MGAT4A: variants seen among roughly 807,000 people sequenced by gnomAD.
MGAT4A encodes N-acetylglucosaminyltransferase IVa.
In MGAT4A, 33 loss-of-function variants were observed where a neutral mutation model predicts 74.1. The ratio of observed to expected loss-of-function variants is 0.45; its 90% CI spans 0.34 to 0.60. The LOEUF is 0.60. MGAT4A is among the 20% of genes least tolerant of loss of function. The pLI, the probability that MGAT4A is intolerant of heterozygous loss-of-function variation, is 0.02. For missense variants in MGAT4A, 479 were observed against 628.3 expected, an observed-to-expected ratio of 0.76 and a Z score of 2.54; for synonymous variants, 198 against 210.4, an observed-to-expected ratio of 0.94 and a Z score of 0.51.
chr2:98,636,566 T>C lies in MGAT4A; in HGVS notation c.1352A>G (p.His451Arg), dbSNP rs770487777. Residue 451 changes from histidine to arginine, a missense_variant, in exon 13 of 16, where the codon CAT becomes CGT. By Grantham distance (29) the His-to-Arg change is conservative. This residue lies in a region of MGAT4A where 236 missense variants were observed against 308.2 expected (regional missense o/e 0.77). Transcript: ENST00000393487. Reference protein sequence around the residue: ...SYLFHSGNQEHPGDILLNTTV... With the variant: ...SYLFHSGNQERPGDILLNTTV... ...TGTGTTTAGCAGAATATCTCCAGGA[T>C]GTTCTTGGTTGCCGCTATGGAACAA... The C allele has an allele frequency of 3.7e-6, 6 of 1,613,874 alleles. No individual in the cohort carries two copies. In the African/African-American group the frequency reaches 6.7e-5, roughly 18 times the overall value.
chr2:98,619,396 T>C lies in MGAT4A; in HGVS notation c.*6170A>G, dbSNP rs1382599460. On this transcript the variant is annotated 3_prime_UTR_variant, in exon 16 of 16. Coordinates refer to ENST00000393487, the MANE Select transcript of MGAT4A (RefSeq NM_012214.3). ...ACATTTAAGAAAAAAAAAAATCTGG[T>C]ACAACCTGGCAAGGAGATTCCTCAG... 6.6e-6 allele frequency: 1 copy of C among 151,860 alleles called. No individual in the cohort carries two copies. The highest frequency in any genetic ancestry group is 1.5e-5 in the Non-Finnish European group (1 of 67,942). 9.4% of individuals were successfully genotyped at this position (151,860 alleles called of 1,614,324 possible).
intron 8 of MGAT4A, among the ~76,000 whole-genome samples, chr2:98,650,436 G>C (rs1453697026): frequency 6.6e-6 from 1 of 152,050 alleles, no homozygotes; most frequent in Admixed American, 6.6e-5. Flanking sequence ...ACACCAAGAA[G>C]AATCATAATG....
rs189706735 is a variant in MGAT4A at position 98,717,197 on chromosome 2, T to C, written c.94+9042A>G. 4.1e-3 allele frequency among the ~76,000 whole-genome samples: 628 copies of C among 152,126 alleles called. 5 individuals carry two copies. The highest frequency in any genetic ancestry group is 0.014 in the African/African-American group (595 of 41,514). On this transcript the variant is annotated intron_variant, in intron 2 of 15. Transcript: ENST00000393487. Reference sequence around the variant, plus strand: ...GAGTTTGAGAACAGCCTGGCCAACATGGTGAAACCCCATCTCTACTAAAAA... The same window carrying C: ...GAGTTTGAGAACAGCCTGGCCAACACGGTGAAACCCCATCTCTACTAAAAA...
chr2:98,661,378 T>C (rs1369627363), intron 5 of MGAT4A, among the ~76,000 whole-genome samples: 2 of 152,124 alleles, frequency 1.3e-5, no homozygotes, highest in Non-Finnish European at 2.9e-5. Context: ...GGTTGGTAAA[T>C]AAAGAAGATC....
chr2:98,695,878 C>CTT (rs554678618), intron 2 of MGAT4A, among the ~76,000 whole-genome samples: 35 of 130,396 alleles, frequency 2.7e-4, no homozygotes, highest in African/African-American at 5.4e-4. Context: ...CACAGAACTT[C>CTT]TTTTTTTTTT....
At chr2:98,691,019 A>C (rs185788684) in intron 2 of MGAT4A, among the ~76,000 whole-genome samples, 6 of 152,266 alleles carry the variant, frequency 3.9e-5, no homozygotes, top group Admixed American at 3.9e-4. Context: ...GAGATCTAAC[A>C]CTGCTATCAT....
At chr2:98,686,015 G>C (rs1702125535) in intron 2 of MGAT4A, among the ~76,000 whole-genome samples, 1 of 152,096 alleles carries the variant, frequency 6.6e-6, no homozygotes, top group Admixed American at 6.6e-5. Context: ...AGGGACAGGG[G>C]GCGCTCATTA....
intron 2 of MGAT4A, among the ~76,000 whole-genome samples, chr2:98,685,392 C>T (rs541566867): frequency 3.3e-5 from 5 of 152,122 alleles, no homozygotes; most frequent in African/African-American, 1.2e-4. Context: ...CTCAGGAAGC[C>T]ACTGCCTTTG....
At chr2:98,633,737 T>C (rs555278027) in intron 14 of MGAT4A, among the ~76,000 whole-genome samples, 15 of 152,344 alleles carry the variant, frequency 9.8e-5, no homozygotes, top group African/African-American at 3.1e-4. Flanking sequence ...ACTATAGAGA[T>C]ATTTAATATA....
chr2:98,660,209 T>C (rs1032541211), intron 5 of MGAT4A, among the ~76,000 whole-genome samples: 2 of 152,066 alleles, frequency 1.3e-5, no homozygotes, highest in African/African-American at 2.4e-5. Context: ...TTATAAAATG[T>C]TGATGAAATA....
intron 2 of MGAT4A, among the ~76,000 whole-genome samples, chr2:98,724,802 A>AC (rs1226327556): frequency 2.6e-5 from 4 of 151,870 alleles, no homozygotes; most frequent in African/African-American, 7.3e-5. Context: ...AAAAAAAAAA[A>AC]CCCATATACT....
At chr2:98,701,567 A>C (rs1421432951) in intron 2 of MGAT4A, among the ~76,000 whole-genome samples, 1 of 152,190 alleles carries the variant, frequency 6.6e-6, no homozygotes, top group Admixed American at 6.5e-5. Context: ...ACTGCTTAAG[A>C]AGCTTTCCAA....
At chr2:98,630,315 G>C (rs1222673530) in intron 14 of MGAT4A, among the ~76,000 whole-genome samples, 1 of 152,154 alleles carries the variant, frequency 6.6e-6, no homozygotes, top group South Asian at 2.1e-4. Flanking sequence ...AATTGTGAGG[G>C]GGAAGAAACC....
At chr2:98,697,016 A>G (rs1274879358) in intron 2 of MGAT4A, among the ~76,000 whole-genome samples, 1 of 152,194 alleles carries the variant, frequency 6.6e-6, no homozygotes, top group Non-Finnish European at 1.5e-5. Context: ...TTTACTATAG[A>G]TCAATTTCAT....
At chr2:98,722,543 G>A (rs1471316131) in intron 2 of MGAT4A, among the ~76,000 whole-genome samples, 2 of 152,146 alleles carry the variant, frequency 1.3e-5, no homozygotes, top group Middle Eastern at 3.2e-3. Context: ...AGGGGAGGGA[G>A]GTAGGGATTA....
chr2:98,695,097 T>C (rs1702251514), intron 2 of MGAT4A: 1 of 142,506 alleles, frequency 7.0e-6, no homozygotes, highest in East Asian at 2.2e-4. Flanking sequence ...AGTGCTGTAG[T>C]GCAATCTCAG....
Position 98,677,969 on chromosome 2 carries a change from G to A in MGAT4A, c.262+335C>T, listed in dbSNP as rs143003366. ...TTTTCAGCCGGGTGCAGTGGCTCAC[G>A]CCTGTAATCTCAGCACTTTGGGAGG... On this transcript the variant is annotated intron_variant, in intron 3 of 15. Coordinates refer to ENST00000393487, the MANE Select transcript of MGAT4A (RefSeq NM_012214.3). 2.4e-3 allele frequency among the ~76,000 whole-genome samples: 367 copies of A among 151,264 alleles called. 2 individuals are homozygous for A. The highest frequency in any genetic ancestry group is 8.5e-3 in the African/African-American group (350 of 41,282).
At chr2:98,702,082 C>T (rs957046156) in intron 2 of MGAT4A, among the ~76,000 whole-genome samples, 1 of 152,166 alleles carries the variant, frequency 6.6e-6, no homozygotes. Flanking sequence ...GCAAGCAAGA[C>T]ATTCAACAAA....
At chr2:98,638,991 A>T (rs1490875220) in intron 12 of MGAT4A, among the ~76,000 whole-genome samples, 1 of 152,182 alleles carries the variant, frequency 6.6e-6, no homozygotes, top group Admixed American at 6.5e-5. Flanking sequence ...CACGACTATT[A>T]AATTAAAAAC....
Sources: gnomAD v4.1 joint callset for allele counts (sites outside exome capture counted in the v4.1 genomes callset) on GRCh38, gnomAD v4.1.1 for gene constraint, gnomAD v4.1.1 regional missense constraint, MANE v1.5 for transcripts, NCBI Gene and HGNC (gene_info 2026-07-23, HGNC 2026-07-21) for gene names.